The following KIF2A variants were observed in gnomAD, a reference collection of about 807,000 sequenced individuals.
KIF2A encodes the protein kinesin-like protein KIF2A.
In KIF2A, 22 loss-of-function variants were observed where a neutral mutation model predicts 100.2. That is an observed-to-expected ratio of 0.22 (90% CI 0.16 to 0.31). The LOEUF is 0.31. Among genes scored for constraint, KIF2A ranks in the 10% least tolerant of loss-of-function variants. KIF2A has a pLI of 1.00. For synonymous variants in KIF2A, 268 were observed against 285.9 expected, an observed-to-expected ratio of 0.94 and a Z score of 0.63; for missense variants, 495 against 898.7, an observed-to-expected ratio of 0.55 and a Z score of 5.74.
chr5:62,384,745 CATTT>C (rs1238137221), intron 20 of KIF2A, among the ~76,000 whole-genome samples: 6 of 152,160 alleles, frequency 3.9e-5, no homozygotes, highest in Non-Finnish European at 7.3e-5. Context: ...AGAAATATAT[CATTT>C]AGTCATCCCC....
rs2112028122 is a variant in KIF2A, at chr5:62,388,938, TA to T, written c.*3370del. On this transcript the variant is annotated 3_prime_UTR_variant, in exon 21 of 21. Transcript: ENST00000407818. ...TAATGTCTCAGTAAAGCAAAAGCAT[TA>T]TCTTCTCAAATACAAAAAATACAAA... The T allele has an allele frequency of 7.0e-7, 1 of 1,426,730 alleles. No homozygotes were observed. Among genetic ancestry groups the T allele is most frequent in the Admixed American group, 1.9e-5 (1 of 53,888 alleles). The allele number at this position is 1,426,730 out of a possible 1,614,324, so 88.4% of individuals were successfully genotyped here. A position where few individuals can be genotyped will look rare whatever the true frequency, so the allele number is the denominator to read the frequency against.
chr5:62,372,420 G>T lies in KIF2A; in HGVS notation c.1647-18G>T. Reference sequence around the variant, plus strand: ...CAAGAGCATTTTCTTTTAATTTGTTGCTCTTTTGGTGCTGCAGAGTAAAGG... The same window carrying T: ...CAAGAGCATTTTCTTTTAATTTGTTTCTCTTTTGGTGCTGCAGAGTAAAGG... On this transcript the variant is annotated intron_variant, in intron 16 of 20. Transcript: ENST00000407818. The T allele has an allele frequency of 7.4e-7, 1 of 1,355,856 alleles. No individual in the cohort carries two copies. Among genetic ancestry groups the T allele is most frequent in the Non-Finnish European group, 1.0e-6 (1 of 952,614 alleles). 84.0% of individuals were successfully genotyped at this position (1,355,856 alleles called of 1,614,324 possible). A position where few individuals can be genotyped will look rare whatever the true frequency, so the allele number is the denominator to read the frequency against.
chr5:62,373,909 A>T, intron 18 of KIF2A, 72 bp downstream of exon 18: 1 of 1,211,782 alleles, frequency 8.3e-7, no homozygotes, highest in Non-Finnish European at 1.2e-6. Flanking sequence ...ACTGAAAACT[A>T]TCATTTAAAT....
chr5:62,358,345 G>A (rs1162449980), intron 9 of KIF2A, 46 bp downstream of exon 9: 3 of 1,318,454 alleles, frequency 2.3e-6, no homozygotes, highest in South Asian at 1.5e-5. Flanking sequence ...TATGCCATGT[G>A]GTCATCAGCA....
chr5:62,363,137 C>G (rs1280079435), intron 12 of KIF2A, 41 bp from the exon 13 acceptor site: 4 of 1,531,408 alleles, frequency 2.6e-6, no homozygotes, highest in Non-Finnish European at 3.5e-6. Flanking sequence ...CTGTTTTTTA[C>G]TTTAAAGCTA....
intron 17 of KIF2A, among the ~76,000 whole-genome samples, chr5:62,372,772 C>A (rs1741379402): frequency 1.3e-5 from 2 of 152,022 alleles, no homozygotes; most frequent in Admixed American, 6.6e-5. Context: ...CCTATTTCCC[C>A]CTCATATTTT....
intron 4 of KIF2A, among the ~76,000 whole-genome samples, chr5:62,352,286 TAAA>T (rs998336886): frequency 3.3e-5 from 5 of 152,120 alleles, no homozygotes; most frequent in Non-Finnish European, 7.4e-5. Flanking sequence ...AAAGGATTAT[TAAA>T]AAACAAGCTT....
rs530239609 is a variant in KIF2A at position 62,342,323 on chromosome 5, C to T, written c.65-4807C>T. ...GGGCTGCTTATGGCTCTCTGGGGTC[C>T]ACTCTTCATTCCCACTACCAGTTAA... On this transcript the variant is annotated intron_variant, in intron 1 of 20. Transcript: ENST00000407818. Among the ~76,000 whole-genome samples the T allele has an allele frequency of 1.4e-4, 21 of 152,284 alleles. No homozygotes were observed. In the South Asian group the frequency reaches 3.5e-3, roughly 26 times the overall value.
Position 62,306,277 on chromosome 5 carries a change from C to T in KIF2A, c.-196C>T, listed in dbSNP as rs1375621715. 1.1e-5 allele frequency: 6 copies of T among 543,144 alleles called. No homozygotes were observed. In the South Asian group the frequency reaches 1.2e-4, roughly 11 times the overall value. The allele number at this position is 543,144 out of a possible 1,614,324, so 33.6% of individuals were successfully genotyped here. On this transcript the variant is annotated 5_prime_UTR_variant, in exon 1 of 21. Transcript: ENST00000407818. ...ACTACCCGGCGTGCGCGTCCTCCTG[C>T]CGGCCTGCAGGCCCGGGGCCTCCGC...
At chr5:62,347,923 C>T (rs1361277036) in intron 2 of KIF2A, 125 bp from the exon 3 acceptor site, 7 of 1,006,822 alleles carry the variant, frequency 7.0e-6, no homozygotes, top group Non-Finnish European at 7.1e-6. Context: ...TGCACCCAGC[C>T]GAGTTACTGT....
chr5:62,340,528 T>C (rs2111884105), intron 1 of KIF2A, among the ~76,000 whole-genome samples: 1 of 152,310 alleles, frequency 6.6e-6, no homozygotes. Context: ...TCCTGATTAG[T>C]CTTATTAACG....
rs568908026 is a variant in KIF2A, at chr5:62,333,475, C to T, written c.65-13655C>T. The stretch of plus-strand genomic sequence containing the variant: ...AGGGGCAGGGCAAATGAGCCTTGTT[C>T]GGCCACAGCCTTGGCTTTCAATCTG... On this transcript the variant is annotated intron_variant, in intron 1 of 20. Transcript: ENST00000407818. Among the ~76,000 whole-genome samples, 25 of 152,256 alleles carry T rather than the reference C, an allele frequency of 1.6e-4. 1 individual carries two copies. The highest frequency in any genetic ancestry group is 8.5e-4 in the Admixed American group (13 of 15,290).
intron 1 of KIF2A, among the ~76,000 whole-genome samples, chr5:62,337,033 CTA>C (rs1295388075): frequency 1.3e-5 from 2 of 151,160 alleles, no homozygotes; most frequent in Non-Finnish European, 1.5e-5. Flanking sequence ...ACAATAAAAA[CTA>C]ATACTATAAT....
At chr5:62,342,095 ACT>A (rs748287362) in intron 1 of KIF2A, among the ~76,000 whole-genome samples, 1 of 152,086 alleles carries the variant, frequency 6.6e-6, no homozygotes, top group Non-Finnish European at 1.5e-5. Context: ...GTTTTATTAA[ACT>A]CTTTTACTTT....
intron 6 of KIF2A, 66 bp from the exon 7 acceptor site, chr5:62,355,093 C>A (rs559748277): frequency 4.0e-5 from 30 of 754,446 alleles, no homozygotes; most frequent in Non-Finnish European, 5.9e-5. Flanking sequence ...AATTTTCAAA[C>A]CAAATATAAA....
chr5:62,319,785 A>G (rs1328554735), intron 1 of KIF2A, among the ~76,000 whole-genome samples: 1 of 152,180 alleles, frequency 6.6e-6, no homozygotes, highest in Non-Finnish European at 1.5e-5. Context: ...GGTGTGTGTC[A>G]CTGTTTTTAA....
At chr5:62,341,475 A>AT (rs34418144) in intron 1 of KIF2A, among the ~76,000 whole-genome samples, 28,802 of 150,988 alleles carry the variant, frequency 0.19, 2,959 homozygotes, top group East Asian at 0.39. Flanking sequence ...TGATTTTTAA[A>AT]TTTTTTTTAT....
intron 1 of KIF2A, among the ~76,000 whole-genome samples, chr5:62,328,856 A>C (rs1372770164): frequency 6.6e-6 from 1 of 152,132 alleles, no homozygotes; most frequent in African/African-American, 2.4e-5. Flanking sequence ...CTGTTACGCA[A>C]ATTCTGAATG....
chr5:62,351,678 A>G (rs1018416407), intron 4 of KIF2A, among the ~76,000 whole-genome samples: 2 of 152,106 alleles, frequency 1.3e-5, no homozygotes, highest in African/African-American at 2.4e-5. Context: ...TTTGATATTT[A>G]TATTTAATTT....
Sources: allele counts gnomAD v4.1 joint callset (sites outside exome capture counted in the v4.1 genomes callset), GRCh38; gene constraint gnomAD v4.1.1; transcripts MANE v1.5; gene names NCBI Gene and HGNC (gene_info 2026-07-23, HGNC 2026-07-21).